SLC14A2: variants seen among roughly 807,000 people sequenced by gnomAD.
SLC14A2 encodes the protein solute carrier family 14 member 2.
Under a neutral mutation model 104.6 loss-of-function variants are expected in SLC14A2, and 91 were observed. The observed-to-expected ratio is 0.87, with a 90% CI of 0.73 to 1.04. SLC14A2 has a LOEUF of 1.04. Ranked by LOEUF, SLC14A2 falls within the 50% of genes least tolerant of loss-of-function variation. The pLI, the probability that SLC14A2 is intolerant of heterozygous loss-of-function variation, is 0.00. For synonymous variants in SLC14A2, 476 were observed against 466.4 expected, an observed-to-expected ratio of 1.02 and a Z score of -0.27; for missense variants, 1,189 against 1,156.0, an observed-to-expected ratio of 1.03 and a Z score of -0.41.
chr18:45,184,997 G>A, the SLC14A2 span, among the ~76,000 whole-genome samples: 8 of 152,182 alleles, frequency 5.3e-5, no homozygotes, highest in Admixed American at 5.2e-4. Flanking sequence ...AAGGACGTAT[G>A]TGCTAGTATT....
chr18:45,390,735 T>C (rs942117785), intron 1 of SLC14A2, among the ~76,000 whole-genome samples: 1 of 152,192 alleles, frequency 6.6e-6, no homozygotes, highest in African/African-American at 2.4e-5. Context: ...CTACCTGTCA[T>C]GCAATGGCTG....
At chr18:45,301,700 C>T (rs781656916) in intron 1 of SLC14A2, among the ~76,000 whole-genome samples, 1 of 152,102 alleles carries the variant, frequency 6.6e-6, no homozygotes, top group Non-Finnish European at 1.5e-5. Flanking sequence ...GTAACAGCTT[C>T]GAAAAAAGAA....
intron 1 of SLC14A2, among the ~76,000 whole-genome samples, chr18:45,385,932 C>G (rs111485544): frequency 1.3e-5 from 2 of 152,282 alleles, no homozygotes; most frequent in African/African-American, 4.8e-5. Context: ...TGAGCCCCCA[C>G]CATGTCCCCA....
intron 1 of SLC14A2, among the ~76,000 whole-genome samples, chr18:45,325,168 G>C (rs1274869686): frequency 6.6e-6 from 1 of 152,228 alleles, no homozygotes; most frequent in African/African-American, 2.4e-5. Flanking sequence ...CAATGGAAAT[G>C]AAGGTTTCCA....
chr18:45,400,955 T>G (rs181563187), intron 1 of SLC14A2, among the ~76,000 whole-genome samples: 28 of 152,334 alleles, frequency 1.8e-4, no homozygotes, highest in East Asian at 9.7e-4. Flanking sequence ...TTAAGTAATT[T>G]ATTTGAATTG....
chr18:45,642,496 A>G (rs1393431646), intron 8 of SLC14A2, among the ~76,000 whole-genome samples: 1 of 152,216 alleles, frequency 6.6e-6, no homozygotes, highest in African/African-American at 2.4e-5. Context: ...GAGAGAGGGA[A>G]GAGGTGTTCC....
intron 1 of SLC14A2, among the ~76,000 whole-genome samples, chr18:45,318,181 C>T (rs1010458957): frequency 1.1e-4 from 17 of 152,168 alleles, no homozygotes; most frequent in Admixed American, 7.2e-4. Flanking sequence ...CTCCAAGCAC[C>T]GGGGAGACGG....
At chr18:45,457,481 T>C (rs1275021966) in intron 1 of SLC14A2, among the ~76,000 whole-genome samples, 1 of 152,170 alleles carries the variant, frequency 6.6e-6, no homozygotes, top group Non-Finnish European at 1.5e-5. Flanking sequence ...TGGTAGCTCA[T>C]AGCTCGGGTA....
intron 1 of SLC14A2, among the ~76,000 whole-genome samples, chr18:45,388,824 C>T (rs181602175): frequency 1.3e-4 from 20 of 152,228 alleles, no homozygotes; most frequent in African/African-American, 3.9e-4. Flanking sequence ...CACACAAATA[C>T]GCATTTGTGA....
chr18:45,334,876 A>G (rs1395634758), intron 1 of SLC14A2, among the ~76,000 whole-genome samples: 1 of 152,188 alleles, frequency 6.6e-6, no homozygotes, highest in Admixed American at 6.5e-5. Context: ...GGAGGGGTCT[A>G]CCCAGAAAGC....
chr18:45,445,455 T>C (rs2144594717), intron 1 of SLC14A2, among the ~76,000 whole-genome samples: 1 of 152,272 alleles, frequency 6.6e-6, no homozygotes, highest in East Asian at 1.9e-4. Context: ...TGATGGAGGA[T>C]CCAACTGTTT....
At position 45,625,803 on chromosome 18, in the gene SLC14A2, C is replaced by G; in HGVS notation, c.271C>G (p.Leu91Val). Reference protein sequence around the residue: ...RDSAGQRCICLSKAVGYLTGD... With the variant: ...RDSAGQRCICVSKAVGYLTGD... ...CTCAGCAGGCCAAAGGTGCATCTGCCTCTCCAAAGCAGTGGGCTACCTCAC... is the reference window on the plus strand; with the variant it reads ...CTCAGCAGGCCAAAGGTGCATCTGCGTCTCCAAAGCAGTGGGCTACCTCAC... Residue 91 changes from leucine to valine, a missense_variant, in exon 3 of 20, where the codon CTC (leucine) becomes GTC (valine). Physicochemically the swap from Leu to Val is conservative, Grantham distance 32. Coordinates refer to ENST00000255226, the MANE Select transcript of SLC14A2 (RefSeq NM_007163.4). The G allele has an allele frequency of 6.5e-7, 1 of 1,532,610 alleles. No homozygotes were observed. The highest frequency in any genetic ancestry group is 8.7e-7 in the Non-Finnish European group (1 of 1,145,024). 94.9% of individuals were successfully genotyped at this position (1,532,610 alleles called of 1,614,324 possible).
At chr18:45,554,020 G>T (rs1475656312) in intron 2 of SLC14A2, among the ~76,000 whole-genome samples, 3 of 152,202 alleles carry the variant, frequency 2.0e-5, no homozygotes, top group African/African-American at 7.2e-5. Context: ...AAATAAAAAA[G>T]CCAAAGGCTG....
intron 2 of SLC14A2, among the ~76,000 whole-genome samples, chr18:45,589,855 G>A (rs937248517): frequency 1.3e-5 from 2 of 152,168 alleles, no homozygotes; most frequent in Non-Finnish European, 2.9e-5. Context: ...GGAGGGAGGC[G>A]CTATTGAAGA....
intron 1 of SLC14A2, among the ~76,000 whole-genome samples, chr18:45,244,258 G>A (rs2084346805): frequency 6.6e-6 from 1 of 152,038 alleles, no homozygotes; most frequent in African/African-American, 2.4e-5. Flanking sequence ...TGAGTCTGCT[G>A]GTCACTATTT....
intron 2 of SLC14A2, among the ~76,000 whole-genome samples, chr18:45,558,831 G>A (rs947806005): frequency 1.5e-4 from 22 of 151,194 alleles, no homozygotes; most frequent in African/African-American, 2.7e-4. Flanking sequence ...TCACTCTGTC[G>A]CCAGGCTGGA....
intron 2 of SLC14A2, among the ~76,000 whole-genome samples, chr18:45,595,280 C>G (rs1272672121): frequency 6.6e-6 from 1 of 151,942 alleles, no homozygotes; most frequent in Non-Finnish European, 1.5e-5. Context: ...TTCACAACAT[C>G]TCTGTGAGGA....
chr18:45,313,273 G>C (rs2085097196), intron 1 of SLC14A2, among the ~76,000 whole-genome samples: 1 of 152,142 alleles, frequency 6.6e-6, no homozygotes, highest in Non-Finnish European at 1.5e-5. Context: ...TTGGAGGAAG[G>C]CTGGGCTGGC....
At chr18:45,365,050 T>C (rs968671981) in intron 1 of SLC14A2, among the ~76,000 whole-genome samples, 1 of 152,158 alleles carries the variant, frequency 6.6e-6, no homozygotes, top group Non-Finnish European at 1.5e-5. Context: ...TCCTCTCTGA[T>C]TGAAAGAGAA....
Sources: allele counts gnomAD v4.1 joint callset (sites outside exome capture counted in the v4.1 genomes callset), GRCh38; gene constraint gnomAD v4.1.1; transcripts MANE v1.5; gene names NCBI Gene and HGNC (gene_info 2026-07-23, HGNC 2026-07-21).